Variants in PRDM16 observed in about 807,000 individuals in gnomAD.
The protein encoded by PRDM16 is histone-lysine N-methyltransferase PRDM16.
A neutral mutation model predicts 110.6 loss-of-function variants in PRDM16; 23 were observed. The ratio of observed to expected loss-of-function variants is 0.21; its 90% CI spans 0.15 to 0.29. The LOEUF (loss-of-function observed/expected upper bound fraction) is 0.29, where lower values mean the gene tolerates loss of function less well. Among genes scored for constraint, PRDM16 ranks in the 10% least tolerant of loss-of-function variants. PRDM16 has a pLI of 1.00. For missense variants in PRDM16, 1,615 were observed against 1,794.3 expected, an observed-to-expected ratio of 0.90 and a Z score of 1.81; for synonymous variants, 799 against 781.8, an observed-to-expected ratio of 1.02 and a Z score of -0.37.
rs1381358661 is a variant in PRDM16, at chr1:3,437,265, C to T, written c.*3454C>T. Reference sequence around the variant, plus strand: ...CCCGACTGGCCAAGACCTCCACGTCCCCAGAGTCCAGCCCTGGAAATTCCA... The same window carrying T: ...CCCGACTGGCCAAGACCTCCACGTCTCCAGAGTCCAGCCCTGGAAATTCCA... On this transcript the variant is annotated 3_prime_UTR_variant, in exon 17 of 17. Transcript: ENST00000270722. The T allele has an allele frequency of 2.6e-5, 6 of 232,792 alleles. No individual in the cohort carries two copies. The Admixed American group carries it at 3.4e-4, about 13-fold the overall frequency. The allele number at this position is 232,792 out of a possible 1,614,324, so 14.4% of individuals were successfully genotyped here.
chr1:3,365,954 G>GCACACATGCACACACACACA (rs1424626354), intron 3 of PRDM16, among the ~76,000 whole-genome samples: 1 of 150,334 alleles, frequency 6.7e-6, no homozygotes, highest in African/African-American at 2.5e-5. Flanking sequence ...GCACACGCAT[G>GCACACATGCACACACACACA]CACACATGCA....
At chr1:3,386,637 TA>T (rs1351342641) in intron 4 of PRDM16, 1 of 152,186 alleles carries the variant, frequency 6.6e-6, no homozygotes, top group Non-Finnish European at 1.5e-5. Context: ...ATCATAAACA[TA>T]AGAGCAGAAC....
chr1:3,330,989 C>T (rs535391853), intron 3 of PRDM16, among the ~76,000 whole-genome samples: 4 of 152,348 alleles, frequency 2.6e-5, no homozygotes, highest in Non-Finnish European at 4.4e-5. Context: ...AGGAAGTGGG[C>T]CTGAATGCGG....
intron 3 of PRDM16, among the ~76,000 whole-genome samples, chr1:3,257,481 C>G (rs1640076784): frequency 6.6e-6 from 1 of 152,184 alleles, no homozygotes; most frequent in South Asian, 2.1e-4. Context: ...GCTGCCCTGC[C>G]AAGTCACACT....
At chr1:3,282,712 A>C (rs918287927) in intron 3 of PRDM16, among the ~76,000 whole-genome samples, 1 of 152,146 alleles carries the variant, frequency 6.6e-6, no homozygotes, top group Non-Finnish European at 1.5e-5. Flanking sequence ...AGAGCTGGTC[A>C]CTGCCACTCC....
At chr1:3,273,718 G>A (rs965124293) in intron 3 of PRDM16, among the ~76,000 whole-genome samples, 1 of 151,838 alleles carries the variant, frequency 6.6e-6, no homozygotes, top group Non-Finnish European at 1.5e-5. Context: ...GGGTGAGCAT[G>A]TAAGCACATG....
Position 3,243,458 on chromosome 1 carries a change from G to A in PRDM16, c.388-629G>A, listed in dbSNP as rs895545584. 3.3e-5 allele frequency among the ~76,000 whole-genome samples: 5 copies of A among 151,962 alleles called. No homozygotes were observed. Among genetic ancestry groups the A allele is most frequent in the African/African-American group, 9.6e-5 (4 of 41,456 alleles). On this transcript the variant is annotated intron_variant, in intron 2 of 16. Coordinates refer to ENST00000270722, the MANE Select transcript of PRDM16 (RefSeq NM_022114.4). The surrounding 1 kb of genome is among the most constrained non-coding windows in gnomAD (Gnocchi z 5.5). Reference sequence around the variant, plus strand: ...CCACCAAGCCACCCTTCCGCAGGGCGTTGGCCGACCTCTGCCCCTGCCTCT... The same window carrying A: ...CCACCAAGCCACCCTTCCGCAGGGCATTGGCCGACCTCTGCCCCTGCCTCT...
intron 1 of PRDM16, among the ~76,000 whole-genome samples, chr1:3,097,648 A>G (rs1012365238): frequency 6.6e-6 from 1 of 152,128 alleles, no homozygotes; most frequent in Admixed American, 6.5e-5. Context: ...CCCGCCCCAC[A>G]GCCCCTCTGG....
intron 3 of PRDM16, among the ~76,000 whole-genome samples, chr1:3,249,119 C>T (rs1419964126): frequency 3.3e-5 from 5 of 152,168 alleles, no homozygotes; most frequent in Admixed American, 6.5e-5. Flanking sequence ...CACAGCACCA[C>T]GCAGCCGGAG....
At chr1:3,170,165 A>G (rs1036600814) in intron 1 of PRDM16, among the ~76,000 whole-genome samples, 1 of 152,238 alleles carries the variant, frequency 6.6e-6, no homozygotes, top group South Asian at 2.1e-4. Context: ...CGTGGTTAAA[A>G]CTATGAACGT....
chr1:3,325,047 A>T (rs1641857358), intron 3 of PRDM16, among the ~76,000 whole-genome samples: 1 of 152,086 alleles, frequency 6.6e-6, no homozygotes. Flanking sequence ...AACTCCGCCA[A>T]CCACCTCTCC....
intron 1 of PRDM16, among the ~76,000 whole-genome samples, chr1:3,163,618 G>C (rs1028893878): frequency 1.3e-5 from 2 of 152,186 alleles, no homozygotes; most frequent in African/African-American, 4.8e-5. Context: ...CAGAAGTCTG[G>C]GATCAGCTGT....
intron 3 of PRDM16, among the ~76,000 whole-genome samples, chr1:3,285,961 A>C (rs991508909): frequency 6.6e-6 from 1 of 152,258 alleles, no homozygotes; most frequent in Non-Finnish European, 1.5e-5. Flanking sequence ...ACAAGGAAAA[A>C]TAAATATCAA....
At chr1:3,073,806 G>A (rs1426676708) in intron 1 of PRDM16, among the ~76,000 whole-genome samples, 1 of 152,130 alleles carries the variant, frequency 6.6e-6, no homozygotes, top group Non-Finnish European at 1.5e-5. Context: ...CAGCGGGAGC[G>A]GCGCTCTCCC....
At chr1:3,336,500 C>A (rs1250016117) in intron 3 of PRDM16, among the ~76,000 whole-genome samples, 1 of 149,860 alleles carries the variant, frequency 6.7e-6, no homozygotes, top group Non-Finnish European at 1.5e-5. Context: ...TGGTGTGAGA[C>A]TGAGCGTATT....
intron 2 of PRDM16, among the ~76,000 whole-genome samples, chr1:3,231,919 C>T (rs769161141): frequency 6.6e-6 from 1 of 152,234 alleles, no homozygotes; most frequent in African/African-American, 2.4e-5. Flanking sequence ...ATGGACGTTG[C>T]AAGACTCCAG....
intron 1 of PRDM16, among the ~76,000 whole-genome samples, chr1:3,183,804 G>GC (rs1369655672): frequency 6.6e-6 from 1 of 152,220 alleles, no homozygotes; most frequent in Non-Finnish European, 1.5e-5. Flanking sequence ...TGCGGACGCT[G>GC]CCCCACTTCG....
intron 3 of PRDM16, among the ~76,000 whole-genome samples, chr1:3,320,343 C>T (rs1641711503): frequency 6.6e-6 from 1 of 152,076 alleles, no homozygotes; most frequent in East Asian, 1.9e-4. Context: ...TGTGTGTATG[C>T]ACACGTGCAC....
rs544098097 is a variant in PRDM16, at chr1:3,187,939, A to AC, written c.387+1472dup. On this transcript the variant is annotated intron_variant, in intron 2 of 16. Transcript: ENST00000270722. ...CGGGCAGCCCCTGTGGAACGGGCGT[A>AC]CCCCCCCAACGAGAGGCAGAGGACA... 5.3e-3 allele frequency among the ~76,000 whole-genome samples: 799 copies of AC among 151,904 alleles called. 6 individuals carry two copies. The highest frequency in any genetic ancestry group is 8.5e-3 in the Non-Finnish European group (577 of 67,928).
Sources: allele counts gnomAD v4.1 joint callset (sites outside exome capture counted in the v4.1 genomes callset), GRCh38; gene constraint gnomAD v4.1.1; non-coding constraint Gnocchi (gnomAD v3.1); transcripts MANE v1.5; gene names NCBI Gene and HGNC (gene_info 2026-07-23, HGNC 2026-07-21).